Variants in NRDC observed in about 807,000 individuals in gnomAD.
NRDC encodes the protein nardilysin convertase.
Under a neutral mutation model 147.1 loss-of-function variants are expected in NRDC, and 54 were observed. That is an observed-to-expected ratio of 0.37 (90% CI 0.29 to 0.46). The LOEUF (loss-of-function observed/expected upper bound fraction) is 0.46, where lower values mean the gene tolerates loss of function less well. Among genes scored for constraint, NRDC ranks in the 20% least tolerant of loss-of-function variants. The pLI is 1.00. For synonymous variants in NRDC, 440 were observed against 482.1 expected (o/e 0.91, Z 1.14); for missense variants, 1,082 against 1,370.6 (o/e 0.79, Z 3.33).
At chr1:51,850,206 A>C (rs1037164951) in intron 1 of NRDC, among the ~76,000 whole-genome samples, 3 of 152,114 alleles carry the variant, frequency 2.0e-5, no homozygotes, top group Non-Finnish European at 4.4e-5. Flanking sequence ...TAAATAAATA[A>C]AAATACAGAC....
At chr1:51,877,987 C>G (rs914976935) in intron 1 of NRDC, 1 of 1,275,872 alleles carries the variant, frequency 7.8e-7, no homozygotes, top group Non-Finnish European at 1.0e-6. Flanking sequence ...CCTCACCATT[C>G]AGGCTGCGTT....
intron 2 of NRDC, among the ~76,000 whole-genome samples, chr1:51,838,219 AAAAG>A (rs1681082181): frequency 6.6e-6 from 1 of 152,174 alleles, no homozygotes; most frequent in East Asian, 1.9e-4. Flanking sequence ...GAGTTCTCAG[AAAAG>A]AAAGGTAGCA....
intron 1 of NRDC, among the ~76,000 whole-genome samples, chr1:51,877,092 G>A (rs993035278): frequency 1.3e-5 from 2 of 152,032 alleles, no homozygotes; most frequent in African/African-American, 4.8e-5. Flanking sequence ...GGAGGCTGAG[G>A]CAGGAGAATC....
intron 1 of NRDC, among the ~76,000 whole-genome samples, chr1:51,861,509 T>C (rs1445551340): frequency 6.8e-6 from 1 of 146,840 alleles, no homozygotes; most frequent in African/African-American, 2.6e-5. Context: ...ATTATTATTA[T>C]TATTTTTTTT....
At chr1:51,821,879 C>T (rs1046521365) in intron 7 of NRDC, among the ~76,000 whole-genome samples, 7 of 152,132 alleles carry the variant, frequency 4.6e-5, no homozygotes, top group East Asian at 1.9e-4. Flanking sequence ...AACCATCCTA[C>T]GCCCATTCTA....
chr1:51,851,705 AG>A (rs772292306), intron 1 of NRDC, among the ~76,000 whole-genome samples: 1 of 152,192 alleles, frequency 6.6e-6, no homozygotes, highest in Non-Finnish European at 1.5e-5. Context: ...TACAAAAAAA[AG>A]TTATTTTCTA....
intron 11 of NRDC, among the ~76,000 whole-genome samples, chr1:51,815,573 T>C (rs1571862397): frequency 6.6e-6 from 1 of 152,192 alleles, no homozygotes; most frequent in African/African-American, 2.4e-5. Context: ...TCAAAGCATA[T>C]AACATATATT....
chr1:51,839,248 C>T (rs186357278), intron 2 of NRDC, among the ~76,000 whole-genome samples: 1 of 150,984 alleles, frequency 6.6e-6, no homozygotes, highest in East Asian at 2.0e-4. Flanking sequence ...CAACCTTAAC[C>T]TCCCTGGGCT....
chr1:51,838,137 T>C (rs573210579), intron 2 of NRDC, among the ~76,000 whole-genome samples: 2 of 152,324 alleles, frequency 1.3e-5, no homozygotes, highest in Admixed American at 6.5e-5. Flanking sequence ...TTCAAACTAC[T>C]TAGGTTCCAC....
Position 51,834,143 on chromosome 1 carries a change from G to C in NRDC, c.740C>G (p.Pro247Arg). The change falls in exon 4 of 31, where the codon CCA becomes CGA. Residue 247 changes from proline to arginine, a missense_variant. Pro to Arg is a moderately radical substitution (Grantham distance 103). This residue lies in a region of NRDC where 635 missense variants were observed against 923.8 expected (regional missense o/e 0.69). Coordinates refer to ENST00000352171, the MANE Select transcript of NRDC (RefSeq NM_001101662.2). ...GAAGGCATCAAATCCATTCTCATCT[G>C]GATATTTCAAACTACCCATGAATAC... ...HMVFMGSLKY[P>R]DENGFDAFLK... 6.2e-7 allele frequency: 1 copy of C among 1,613,742 alleles called. No individual in the cohort carries two copies. Among genetic ancestry groups the C allele is most frequent in the Non-Finnish European group, 8.5e-7 (1 of 1,179,956 alleles).
intron 2 of NRDC, among the ~76,000 whole-genome samples, chr1:51,837,809 C>T (rs113912559): frequency 0.013 from 1,969 of 152,160 alleles, 44 homozygotes; most frequent in African/African-American, 0.045. Flanking sequence ...AGGAGGAAAA[C>T]GGAGAGGGAT....
rs748674877 is a variant in NRDC at position 51,806,909 on chromosome 1, C to A, written c.1995G>T (p.Thr665=). ...AATCGAAAGCCTTCAACGTAAAGTCCGTGGCTAATAAAAGAAGATAATAAT... is the reference window on the plus strand; with the variant it reads ...AATCGAAAGCCTTCAACGTAAAGTCAGTGGCTAATAAAAGAAGATAATAAT... ...HLPAENKYIA[T]DFTLKAFDCP... The change falls in exon 18 of 31, where the codon ACG becomes ACT. Residue 665 remains threonine, a synonymous_variant. Transcript: ENST00000352171. 6.2e-7 allele frequency: 1 copy of A among 1,611,980 alleles called. No homozygotes were observed. The highest frequency in any genetic ancestry group is 8.5e-7 in the Non-Finnish European group (1 of 1,179,332).
intron 20 of NRDC, among the ~76,000 whole-genome samples, chr1:51,801,794 AT>A (rs1184746178): frequency 2.0e-5 from 3 of 148,612 alleles, no homozygotes; most frequent in African/African-American, 2.5e-5. Context: ...AGGTTTTTTG[AT>A]TTTTTTTTTG....
In NRDC at chr1:51,795,909, C is replaced by T. The variant is rs1236155186; in HGVS notation, c.2605-1055G>A. On this transcript the variant is annotated intron_variant, in intron 22 of 30. Coordinates refer to ENST00000352171, the MANE Select transcript of NRDC (RefSeq NM_001101662.2). The stretch of plus-strand genomic sequence containing the variant: ...AACAAACAAAAAAAAACACCAGGGT[C>T]TTGCTTTATTGCCCAGGCTGGAGGG... 2.0e-5 allele frequency among the ~76,000 whole-genome samples: 3 copies of T among 152,268 alleles called. No homozygotes were observed. In the East Asian group the frequency reaches 5.8e-4, roughly 29 times the overall value.
chr1:51,795,455 T>TA (rs1678854164), intron 22 of NRDC: 1 of 222,650 alleles, frequency 4.5e-6, no homozygotes. Context: ...GACTGAGACT[T>TA]AAGATTCTTT....
intron 14 of NRDC, 56 bp from the exon 15 acceptor site, chr1:51,812,154 AC>A: frequency 1.7e-6 from 2 of 1,180,012 alleles, no homozygotes; most frequent in Non-Finnish European, 1.3e-6. Context: ...TATTTGATTT[AC>A]CACAACATAC....
chr1:51,832,942 T>C (rs1162021556), intron 4 of NRDC, among the ~76,000 whole-genome samples: 2 of 152,184 alleles, frequency 1.3e-5, no homozygotes, highest in Non-Finnish European at 2.9e-5. Context: ...GTAAATAACA[T>C]ACAATCACTA....
chr1:51,827,662 A>G, intron 5 of NRDC, 134 bp downstream of exon 5: 1 of 653,876 alleles, frequency 1.5e-6, no homozygotes. Flanking sequence ...TCAGGAACAA[A>G]CATAACACAT....
At chr1:51,807,148 T>G (rs1679505981) in intron 17 of NRDC, among the ~76,000 whole-genome samples, 3 of 152,216 alleles carry the variant, frequency 2.0e-5, no homozygotes, top group Admixed American at 6.5e-5. Context: ...TTGCTACACA[T>G]TCTGCTTCAT....
Sources: gnomAD v4.1 joint callset for allele counts (sites outside exome capture counted in the v4.1 genomes callset) on GRCh38, gnomAD v4.1.1 for gene constraint, gnomAD v4.1.1 regional missense constraint, MANE v1.5 for transcripts, NCBI Gene and HGNC (gene_info 2026-07-23, HGNC 2026-07-21) for gene names.